The following ZNF337 variants were observed in gnomAD, a reference collection of about 807,000 sequenced individuals.
The protein encoded by ZNF337 is zinc finger protein 337.
In ZNF337, 8 loss-of-function variants were observed where a neutral mutation model predicts 12.1. The ratio of observed to expected loss-of-function variants is 0.66; its 90% confidence interval spans 0.39 to 1.19. The LOEUF is 1.19. Among genes scored for constraint, ZNF337 ranks in the 50% most tolerant of loss-of-function variants. ZNF337 has a pLI of 0.01. For missense variants in ZNF337, 882 were observed against 896.6 expected (o/e 0.98, Z 0.21); for synonymous variants, 336 against 320.0 (o/e 1.05, Z -0.53).
intron 3 of ZNF337, 33 bp downstream of exon 3, chr20:25,685,963 C>T (rs1409447208): frequency 1.3e-6 from 2 of 1,593,648 alleles, no homozygotes; most frequent in Non-Finnish European, 1.7e-6. Flanking sequence ...GCACCACAGG[C>T]CAAATGTTAG....
chr20:25,676,090 CT>C lies in ZNF337; in HGVS notation c.1197del (p.Glu401ArgfsTer48). On this transcript the variant is annotated frameshift_variant, in exon 5 of 5. Transcript: ENST00000252979. LOFTEE classifies it low-confidence loss of function (END_TRUNC). Reference sequence around the variant, plus strand: ...TCCTTGCACACAAAAGGCTTCTCCCCTGAGTGTGTTCTCTGGTGTCTGAGGA... The same window carrying C: ...TCCTTGCACACAAAAGGCTTCTCCCCGAGTGTGTTCTCTGGTGTCTGAGGA... The part of the protein sequence containing the change: ...GSLLRHQRTH[S>X]GEKPFVCKDC... The C allele has an allele frequency of 6.2e-7, 1 of 1,614,040 alleles. No homozygotes were observed. The highest frequency in any genetic ancestry group is 8.5e-7 in the Non-Finnish European group (1 of 1,179,962).
In ZNF337 at chr20:25,686,043, A is replaced by G; in HGVS notation, c.107T>C (p.Leu36Pro). Residue 36 changes from leucine to proline, a missense_variant, in exon 3 of 5, where the codon CTG (leucine) becomes CCG (proline). Physicochemically the swap from Leu to Pro is moderately conservative, Grantham distance 98. Coordinates refer to ENST00000252979, the MANE Select transcript of ZNF337 (RefSeq NM_015655.4). ...WRLLSPAQRA[L>P]YREVTLENYS... is the part of the protein sequence containing the mutation. ...GTTCTCCAGTGTCACCTCCCTGTAC[A>G]GGGCCCTCTGAGCAGGGCTCAGCAG... 1.2e-6 allele frequency: 2 copies of G among 1,614,044 alleles called. No individual in the cohort carries two copies. The highest frequency in any genetic ancestry group is 8.5e-7 in the Non-Finnish European group (1 of 1,179,968).
chr20:25,696,802 T>G lies in ZNF337; in HGVS notation c.-93A>C. ...ACCGAGGCGGTGAGGTCACCGATGG[T>G]GGACCACGCATCTCACGGCTCGCTG... is the stretch of plus-strand genomic sequence containing the variant. On this transcript the variant is annotated 5_prime_UTR_variant, in exon 1 of 5. Transcript: ENST00000252979. 1.0e-6 allele frequency: 1 copy of G among 985,470 alleles called. No homozygotes were observed. Among genetic ancestry groups the G allele is most frequent in the South Asian group, 4.7e-5 (1 of 21,290 alleles). 61.0% of individuals were successfully genotyped at this position (985,470 alleles called of 1,614,324 possible). A position where few individuals can be genotyped will look rare whatever the true frequency, so the allele number is the denominator to read the frequency against.
Position 25,676,391 on chromosome 20 carries a change from T to C in ZNF337, c.897A>G (p.Arg299=), listed in dbSNP as rs542691439. The change falls in exon 5 of 5, where the codon CGA becomes CGG. Residue 299 remains arginine (R), a synonymous_variant. Coordinates refer to ENST00000252979, the MANE Select transcript of ZNF337 (RefSeq NM_015655.4). ...TGTATGAGGACTTATCGTTAAACCT[T>C]CGCCCACACTCCTGGCATTCATAAG... ...EKPYECQECG[R]RFNDKSSYNK... 3.4e-5 allele frequency: 55 copies of C among 1,614,098 alleles called. 1 individual carries two copies. In the South Asian group the frequency reaches 5.8e-4, roughly 17 times the overall value.
intron 4 of ZNF337, chr20:25,677,321 C>A: frequency 3.2e-6 from 1 of 313,160 alleles, no homozygotes; most frequent in South Asian, 9.5e-5. Context: ...ATGGAAAAAT[C>A]CTCAACAAAA....
chr20:25,684,120 G>T (rs546957222), intron 4 of ZNF337, among the ~76,000 whole-genome samples: 2 of 146,074 alleles, frequency 1.4e-5, no homozygotes, highest in Non-Finnish European at 3.0e-5. Context: ...ACCAAACACC[G>T]CATGTTCTCA....
Position 25,675,846 on chromosome 20 carries a change from G to A in ZNF337, c.1442C>T (p.Thr481Ile). The change falls in exon 5 of 5, where the codon ACA becomes ATA. Residue 481 changes from threonine (T) to isoleucine (I), a missense_variant. Coordinates refer to ENST00000252979, the MANE Select transcript of ZNF337 (RefSeq NM_015655.4). ...TCCATAAGGCTTCTCCTCTGAGTGT[G>A]TCCTCTGGTGTAAAGTGAAGGTTGA... ...QKSTFTLHQR[T>I]HSEEKPYGCR... is the part of the protein sequence containing the mutation. 2 of 1,614,170 alleles carry A rather than the reference G, an allele frequency of 1.2e-6. No individual in the cohort carries two copies. Among genetic ancestry groups the A allele is most frequent in the Non-Finnish European group, 1.7e-6 (2 of 1,180,034 alleles).
chr20:25,690,274 C>G (rs1453041389), intron 1 of ZNF337, among the ~76,000 whole-genome samples: 1 of 152,072 alleles, frequency 6.6e-6, no homozygotes, highest in African/African-American at 2.4e-5. Context: ...CTCAAGAAAA[C>G]AAAACAACAA....
rs2065637833 is a variant in ZNF337, at chr20:25,673,347, G to GT, written c.*1684dup. Among the ~76,000 whole-genome samples, 1 of 152,212 alleles carries GT rather than the reference G, an allele frequency of 6.6e-6. No homozygotes were observed. Among genetic ancestry groups the GT allele is most frequent in the Non-Finnish European group, 1.5e-5 (1 of 68,038 alleles). On this transcript the variant is annotated 3_prime_UTR_variant, in exon 5 of 5. Coordinates refer to ENST00000252979, the MANE Select transcript of ZNF337 (RefSeq NM_015655.4). Reference sequence around the variant, plus strand: ...TTACAAAAGGATAGGCATATTGCATGTATCTTCCCTGTGCTGGACAAGGGT... The same window carrying GT: ...TTACAAAAGGATAGGCATATTGCATGTTATCTTCCCTGTGCTGGACAAGGGT...
At chr20:25,694,768 G>C (rs889518425) in intron 1 of ZNF337, among the ~76,000 whole-genome samples, 2 of 152,076 alleles carry the variant, frequency 1.3e-5, no homozygotes. Context: ...CCTGACTCTG[G>C]TACAGCATCA....
At chr20:25,686,519 T>C in intron 1 of ZNF337, 53 bp from the exon 2 acceptor site, 1 of 1,370,454 alleles carries the variant, frequency 7.3e-7, no homozygotes, top group Non-Finnish European at 1.0e-6. Flanking sequence ...CCTCCCCATG[T>C]GTGACAGTTG....
chr20:25,676,237 G>T lies in ZNF337; in HGVS notation c.1051C>A (p.Gln351Lys). The change falls in exon 5 of 5, where the codon CAG (glutamine) becomes AAG (lysine). Residue 351 changes from glutamine to lysine, a missense_variant. Gln to Lys is a moderately conservative substitution (Grantham distance 53). Coordinates refer to ENST00000252979, the MANE Select transcript of ZNF337 (RefSeq NM_015655.4). ...IHSGEKPYRC[Q>K]ECGRGFSNKS... ...TTGCTAAAGCCTCGGCCACACTCCT[G>T]GCATCTGTAAGGCTTCTCTCCTGAG... 6.2e-7 allele frequency: 1 copy of T among 1,611,374 alleles called. No individual in the cohort carries two copies. The highest frequency in any genetic ancestry group is 8.5e-7 in the Non-Finnish European group (1 of 1,179,378).
chr20:25,681,413 A>G (rs764315342), intron 4 of ZNF337, among the ~76,000 whole-genome samples: 1 of 152,064 alleles, frequency 6.6e-6, no homozygotes, highest in Non-Finnish European at 1.5e-5. Flanking sequence ...CACATTTTTT[A>G]TGGGGTGGTG....
chr20:25,684,870 C>A (rs1033239976), intron 4 of ZNF337, among the ~76,000 whole-genome samples: 1 of 150,056 alleles, frequency 6.7e-6, no homozygotes, highest in Non-Finnish European at 1.5e-5. Flanking sequence ...CAGAGTAACA[C>A]AAGAAGAGAA....
rs1259241572 is a variant in ZNF337 at position 25,685,597 on chromosome 20, C to A, written c.220G>T (p.Glu74Ter). 24 of 1,614,086 alleles carry A rather than the reference C, an allele frequency of 1.5e-5. No homozygotes were observed. The highest frequency in any genetic ancestry group is 1.9e-5 in the Non-Finnish European group (23 of 1,180,032). ...CAGGGGCCTGGCCGGCGTCTTCTCT[C>A]TTCTCCCCAGGGCACTTCCCCTTGC... ...LEQGEVPWGE[E>*]RRRRPGPCAG... Residue 74 changes from glutamate to a stop codon, truncating the protein, a stop_gained, in exon 4 of 5, where the codon GAG (glutamate) becomes TAG (stop). Transcript: ENST00000252979. LOFTEE classifies it low-confidence loss of function (END_TRUNC).
intron 1 of ZNF337, among the ~76,000 whole-genome samples, chr20:25,692,088 G>A (rs2065886100): frequency 6.6e-6 from 1 of 152,168 alleles, no homozygotes; most frequent in Admixed American, 6.5e-5. Context: ...CAAATGGGAA[G>A]TTTGCCAAGG....
At chr20:25,686,189 G>C in intron 2 of ZNF337, 67 bp from the exon 3 acceptor site, 1 of 1,606,630 alleles carries the variant, frequency 6.2e-7, no homozygotes, top group African/African-American at 1.3e-5. Flanking sequence ...GAGGATTCCA[G>C]GTTCTGCCAT....
rs975294985 is a variant in ZNF337 at position 25,682,854 on chromosome 20, T to C, written c.250+2713A>G. On this transcript the variant is annotated intron_variant, in intron 4 of 4. Transcript: ENST00000252979. Reference sequence around the variant, plus strand: ...CCGACTCAAAAAAAAAAAAACTTTATATCTTTAAATCTTTGTATCTTTATA... The same window carrying C: ...CCGACTCAAAAAAAAAAAAACTTTACATCTTTAAATCTTTGTATCTTTATA... Among the ~76,000 whole-genome samples the C allele has an allele frequency of 2.0e-5, 3 of 151,912 alleles. No individual in the cohort carries two copies. In the South Asian group the frequency reaches 6.2e-4, roughly 32 times the overall value.
At chr20:25,686,619 G>C (rs1327568105) in intron 1 of ZNF337, 153 bp from the exon 2 acceptor site, 1 of 590,008 alleles carries the variant, frequency 1.7e-6, no homozygotes, top group Non-Finnish European at 2.9e-6. Flanking sequence ...AGGGAGCCAG[G>C]CTCCCTGCAA....
Sources: gnomAD v4.1 joint callset for allele counts (sites outside exome capture counted in the v4.1 genomes callset) on GRCh38, gnomAD v4.1.1 for gene constraint, MANE v1.5 for transcripts, NCBI Gene and HGNC (gene_info 2026-07-23, HGNC 2026-07-21) for gene names.